Variants in STAT3 observed in about 807,000 individuals in gnomAD.
STAT3 encodes signal transducer and activator of transcription 3, also known as DNA-binding protein APRF.
STAT3 carries 7 observed loss-of-function variants against 114.3 expected under a neutral mutation model. The ratio of observed to expected loss-of-function variants is 0.06; its 90% CI spans 0.03 to 0.11. The LOEUF (loss-of-function observed/expected upper bound fraction) is 0.11. STAT3 is among the 10% of genes least tolerant of loss of function. STAT3 has a pLI of 1.00. For synonymous variants in STAT3, 331 were observed against 354.5 expected, an observed-to-expected ratio of 0.93 and a Z score of 0.74; for missense variants, 364 against 960.9, an observed-to-expected ratio of 0.38 and a Z score of 8.21.
intron 14 of STAT3, among the ~76,000 whole-genome samples, chr17:42,327,487 C>T (rs1035762017): frequency 6.6e-6 from 1 of 152,086 alleles, no homozygotes; most frequent in African/African-American, 2.4e-5. Flanking sequence ...TGTGTCTATA[C>T]CACAAATAAT....
At position 42,324,993 on chromosome 17, in the gene STAT3, C is replaced by T. The variant is rs868375170; in HGVS notation, c.1434G>A (p.Leu478=). The T allele has an allele frequency of 1.9e-6, 3 of 1,614,192 alleles. No individual in the cohort carries two copies. The highest frequency in any genetic ancestry group is 1.6e-4 in the Middle Eastern group (1 of 6,062). The part of the protein sequence containing the change: ...CQMPNAWASI[L]WYNMLTNNPK... ...GATTGTTGGTCAGCATGTTGTACCA[C>T]AGGATGGACGCCCAGGCATTTGGCA... Residue 478 remains leucine, a synonymous_variant, in exon 16 of 24, where the codon CTG becomes CTA. Transcript: ENST00000264657. This position sits in a 1 kb window ranked among gnomAD's most constrained non-coding sequence, Gnocchi z 4.5.
At chr17:42,384,132 A>ATTTTTTTTTT in intron 1 of STAT3, among the ~76,000 whole-genome samples, 1 of 134,970 alleles carries the variant, frequency 7.4e-6, no homozygotes, top group East Asian at 2.4e-4. Flanking sequence ...TTATTTATTT[A>ATTTTTTTTTT]TTTTTTTTTT....
chr17:42,370,454 C>G (rs2084052884), intron 1 of STAT3, among the ~76,000 whole-genome samples: 1 of 151,862 alleles, frequency 6.6e-6, no homozygotes, highest in African/African-American at 2.4e-5. Flanking sequence ...CCATATTGGC[C>G]AGGCTGGTCT....
chr17:42,365,046 T>C (rs1054128273), intron 1 of STAT3, among the ~76,000 whole-genome samples: 11 of 152,164 alleles, frequency 7.2e-5, no homozygotes, highest in African/African-American at 2.7e-4. Flanking sequence ...TTTGTGGTGG[T>C]TGGATAACAT....
intron 4 of STAT3, among the ~76,000 whole-genome samples, chr17:42,343,163 C>A: frequency 7.6e-6 from 1 of 131,766 alleles, no homozygotes; most frequent in Admixed American, 8.2e-5. Context: ...CAGAGTGAGA[C>A]TGTCTCAAAA....
chr17:42,319,154 C>T (rs1286638612), intron 21 of STAT3, among the ~76,000 whole-genome samples: 1 of 152,212 alleles, frequency 6.6e-6, no homozygotes, highest in Non-Finnish European at 1.5e-5. Context: ...AGGAGAATCA[C>T]TTGAACCTGG....
At chr17:42,325,133 A>G (rs2081650343) in intron 15 of STAT3, 72 bp from the exon 16 acceptor site, 1 of 1,421,012 alleles carries the variant, frequency 7.0e-7, no homozygotes, top group East Asian at 2.3e-5. Flanking sequence ...CTTCACCCGC[A>G]TCTCACGGGG....
At chr17:42,365,636 A>G (rs556503630) in intron 1 of STAT3, among the ~76,000 whole-genome samples, 37 of 102,118 alleles carry the variant, frequency 3.6e-4, no homozygotes, top group African/African-American at 1.0e-3. Context: ...CTTTGCTGTT[A>G]AAGTTTTTTT....
Position 42,333,547 on chromosome 17 carries a change from C to T in STAT3, c.1049+126G>A. Reference sequence around the variant, plus strand: ...CAGATAGTATGGCAACAAATTTCAACCCCGCAACAGTGTACTGCCTGTGAC... The same window carrying T: ...CAGATAGTATGGCAACAAATTTCAATCCCGCAACAGTGTACTGCCTGTGAC... On this transcript the variant is annotated intron_variant, in intron 10 of 23. Transcript: ENST00000264657. The surrounding 1 kb of genome is among the most constrained non-coding windows in gnomAD (Gnocchi z 5.2). 1 of 1,086,206 alleles carries T rather than the reference C, an allele frequency of 9.2e-7. No individual in the cohort carries two copies. Among genetic ancestry groups the T allele is most frequent in the Non-Finnish European group, 1.4e-6 (1 of 729,506 alleles). The allele number at this position is 1,086,206 out of a possible 1,614,324, so 67.3% of individuals were successfully genotyped here. A position where few individuals can be genotyped will look rare whatever the true frequency, so the allele number is the denominator to read the frequency against.
rs1598377223 is a variant in STAT3 at position 42,315,405 on chromosome 17, A to G, written c.*340T>C. 2 of 470,392 alleles carry G rather than the reference A, an allele frequency of 4.3e-6. No individual in the cohort carries two copies. Among genetic ancestry groups the G allele is most frequent in the East Asian group, 3.7e-5 (1 of 26,704 alleles). 29.1% of individuals were successfully genotyped at this position (470,392 alleles called of 1,614,324 possible). A position where few individuals can be genotyped will look rare whatever the true frequency, so the allele number is the denominator to read the frequency against. On this transcript the variant is annotated 3_prime_UTR_variant, in exon 24 of 24. Transcript: ENST00000264657. ...CACTTGTCTAAGAACAACAACAACAATAACAAAAAGCTGCTGAGAAAGGAG... is the reference window on the plus strand; with the variant it reads ...CACTTGTCTAAGAACAACAACAACAGTAACAAAAAGCTGCTGAGAAAGGAG...
In STAT3 at chr17:42,333,841, G is replaced by C. The variant is rs1196382660; in HGVS notation, c.956+50C>G. On this transcript the variant is annotated intron_variant, in intron 9 of 23. Coordinates refer to ENST00000264657, the MANE Select transcript of STAT3 (RefSeq NM_139276.3). This position sits in a 1 kb window ranked among gnomAD's most constrained non-coding sequence, Gnocchi z 5.2. ...GCCCGCCTCTCACTCTACCACGTGA[G>C]TCTTTAGGTATTTTTTAGATGAGGG... The C allele has an allele frequency of 1.2e-6, 2 of 1,614,050 alleles. No homozygotes were observed. Among genetic ancestry groups the C allele is most frequent in the South Asian group, 2.2e-5 (2 of 91,086 alleles).
Position 42,325,246 on chromosome 17 carries a change from A to G in STAT3, c.1366-185T>C. 6.7e-6 allele frequency: 4 copies of G among 601,312 alleles called. No individual in the cohort carries two copies. The South Asian group carries it at 7.8e-5, about 12-fold the overall frequency. The allele number at this position is 601,312 out of a possible 1,614,324, so 37.2% of individuals were successfully genotyped here. Reference sequence around the variant, plus strand: ...AGCACTCATAGTGGAAAGAATGCCCAGCGTGGCCACACAACTCAGGCTGCA... The same window carrying G: ...AGCACTCATAGTGGAAAGAATGCCCGGCGTGGCCACACAACTCAGGCTGCA... On this transcript the variant is annotated intron_variant, in intron 15 of 23. Transcript: ENST00000264657.
At chr17:42,378,290 G>T (rs1372054068) in intron 1 of STAT3, among the ~76,000 whole-genome samples, 2 of 151,958 alleles carry the variant, frequency 1.3e-5, no homozygotes, top group East Asian at 3.9e-4. Context: ...CTGTTGCCCA[G>T]GCTGGAGTGC....
chr17:42,358,149 A>G (rs777682655), intron 1 of STAT3, among the ~76,000 whole-genome samples: 3 of 152,236 alleles, frequency 2.0e-5, no homozygotes, highest in Non-Finnish European at 2.9e-5. Flanking sequence ...ATGGTGGCTC[A>G]TGCCTATAAT....
chr17:42,334,928 C>T (rs1468656381), intron 8 of STAT3, among the ~76,000 whole-genome samples: 1 of 152,098 alleles, frequency 6.6e-6, no homozygotes, highest in African/African-American at 2.4e-5. Context: ...GAATTTAGCA[C>T]TTACTTTACT....
Position 42,331,811 on chromosome 17 carries a change from G to A in STAT3, c.1050-280C>T, listed in dbSNP as rs199674321. On this transcript the variant is annotated intron_variant, in intron 10 of 23. Coordinates refer to ENST00000264657, the MANE Select transcript of STAT3 (RefSeq NM_139276.3). The stretch of plus-strand genomic sequence containing the variant: ...GGTGTGGTAGCATGTACCTGTAGTC[G>A]CAGTTACTCGGGAGGCTGAGGCAAG... 1.1e-4 allele frequency among the ~76,000 whole-genome samples: 16 copies of A among 152,158 alleles called. No homozygotes were observed. In the East Asian group the frequency reaches 1.9e-3, roughly 18 times the overall value.
At chr17:42,339,435 T>C (rs748997267) in intron 4 of STAT3, 26 bp from the exon 5 acceptor site, 38 of 1,609,442 alleles carry the variant, frequency 2.4e-5, no homozygotes, top group Non-Finnish European at 3.1e-5. Context: ...TCAATGCACA[T>C]GTGAACACAG....
chr17:42,327,291 TAC>T (rs2081770888), intron 14 of STAT3, among the ~76,000 whole-genome samples: 1 of 152,214 alleles, frequency 6.6e-6, no homozygotes, highest in South Asian at 2.1e-4. Flanking sequence ...TTTGTTTTTT[TAC>T]AGTTTTACCA....
intron 1 of STAT3, among the ~76,000 whole-genome samples, chr17:42,357,684 T>A (rs1383648719): frequency 2.0e-5 from 3 of 151,786 alleles, no homozygotes; most frequent in Admixed American, 1.3e-4. Context: ...AAAAATAAAT[T>A]AAATAAATAA....
Sources: gnomAD v4.1 joint callset for allele counts (sites outside exome capture counted in the v4.1 genomes callset) on GRCh38, gnomAD v4.1.1 for gene constraint, Gnocchi (gnomAD v3.1) non-coding constraint, MANE v1.5 for transcripts, NCBI Gene and HGNC (gene_info 2026-07-23, HGNC 2026-07-21) for gene names.